Variants in ZFPM1 observed in about 807,000 individuals in gnomAD.
The protein encoded by ZFPM1 is zinc finger protein ZFPM1.
A neutral mutation model predicts 46.3 loss-of-function variants in ZFPM1; 28 were observed. The observed-to-expected ratio is 0.60, with a 90% confidence interval of 0.45 to 0.83. The LOEUF is 0.83. Among genes scored for constraint, ZFPM1 ranks in the 40% least tolerant of loss-of-function variants. The pLI is 0.00. For missense variants in ZFPM1, 1,878 were observed against 1,432.4 expected (o/e 1.31, Z -5.02); for synonymous variants, 957 against 675.9 (o/e 1.42, Z -6.45).
chr16:88,516,051 G>A (rs539040198), intron 4 of ZFPM1: 20 of 397,890 alleles, frequency 5.0e-5, no homozygotes, highest in Non-Finnish European at 6.6e-5. Context: ...CACACCACAC[G>A]CCCATCCTCA....
intron 4 of ZFPM1, among the ~76,000 whole-genome samples, chr16:88,518,086 C>T (rs1223015180): frequency 6.6e-6 from 1 of 151,948 alleles, no homozygotes; most frequent in Non-Finnish European, 1.5e-5. Flanking sequence ...GCGCCTGTAG[C>T]CCCAGCTACT....
rs1277135468 is a variant in ZFPM1, at chr16:88,501,720, G to A, written c.268+12567G>A. On this transcript the variant is annotated intron_variant, in intron 3 of 9. Coordinates refer to ENST00000319555, the MANE Select transcript of ZFPM1 (RefSeq NM_153813.3). ...CTCTCCCGCAGGTGCTCTTGATGATGGAGGTAACGGGTGTGGGTGCCGGGC... is the reference window on the plus strand; with the variant it reads ...CTCTCCCGCAGGTGCTCTTGATGATAGAGGTAACGGGTGTGGGTGCCGGGC... Among the ~76,000 whole-genome samples the A allele has an allele frequency of 1.4e-4, 20 of 144,278 alleles. 1 individual carries two copies. Among genetic ancestry groups the A allele is most frequent in the African/African-American group, 4.8e-4 (17 of 35,526 alleles). 94.7% of individuals were successfully genotyped at this position (144,278 alleles called of 152,430 possible).
At chr16:88,453,073 G>A (rs993117782), upstream of ZFPM1, among the ~76,000 whole-genome samples, 50 of 150,770 alleles carry the variant, frequency 3.3e-4, no homozygotes, top group Middle Eastern at 3.5e-3. Context: ...CGTAAAGAGC[G>A]AGGCGGGCGG....
Position 88,533,285 on chromosome 16 carries a change from G to A in ZFPM1, c.1327G>A (p.Ala443Thr). 7.2e-7 allele frequency: 1 copy of A among 1,390,998 alleles called. No individual in the cohort carries two copies. The highest frequency in any genetic ancestry group is 2.7e-5 in the African/African-American group (1 of 37,246). 86.2% of individuals were successfully genotyped at this position (1,390,998 alleles called of 1,614,324 possible). The change falls in exon 10 of 10, where the codon GCG (alanine) becomes ACG (threonine). Residue 443 changes from alanine to threonine, a missense_variant. Ala to Thr is a moderately conservative substitution (Grantham distance 58). Transcript: ENST00000319555. The stretch of plus-strand genomic sequence containing the variant: ...CGAGGCCACCAACGGAGAGGCCAGA[G>A]CGGAGCCTCTGGCCCAGAATGGAGG... ...LAEATNGEAR[A>T]EPLAQNGGSS... is the part of the protein sequence containing the mutation.
At position 88,486,157 on chromosome 16, in the gene ZFPM1, G is replaced by A. The variant is rs1356755703; in HGVS notation, c.145+114G>A. 2.7e-6 allele frequency: 3 copies of A among 1,119,896 alleles called. No individual in the cohort carries two copies. The East Asian group carries it at 7.8e-5, about 29-fold the overall frequency. The allele number at this position is 1,119,896 out of a possible 1,614,324, so 69.4% of individuals were successfully genotyped here. A position where few individuals can be genotyped will look rare whatever the true frequency, so the allele number is the denominator to read the frequency against. ...AGAGGTGTGGGCCAACTATATGCAG[G>A]AGTCCAGGACAGGCGTCTTCCAGCC... On this transcript the variant is annotated intron_variant, in intron 2 of 9. Transcript: ENST00000319555.
At chr16:88,488,383 A>T (rs1909358799) in intron 2 of ZFPM1, among the ~76,000 whole-genome samples, 1 of 152,236 alleles carries the variant, frequency 6.6e-6, no homozygotes, top group African/African-American at 2.4e-5. Flanking sequence ...TGGGCGCGAT[A>T]ACACAGCAGC....
At chr16:88,465,641 C>G (rs1211415979) in intron 1 of ZFPM1, among the ~76,000 whole-genome samples, 2 of 152,234 alleles carry the variant, frequency 1.3e-5, no homozygotes. Context: ...CATTGGCCAG[C>G]TGGGGAGGGG....
chr16:88,461,126 T>TCTGGTGAGGACCGAGGGGC (rs1907842334), intron 1 of ZFPM1, among the ~76,000 whole-genome samples: 1 of 52,080 alleles, frequency 1.9e-5, no homozygotes, highest in African/African-American at 1.4e-4. Flanking sequence ...GACCCAGGGA[T>TCTGGTGAGGACCGAGGGGC]GGGGCGGGAG....
At chr16:88,460,702 G>A (rs1225142140) in intron 1 of ZFPM1, among the ~76,000 whole-genome samples, 1 of 152,212 alleles carries the variant, frequency 6.6e-6, no homozygotes, top group African/African-American at 2.4e-5. Flanking sequence ...CCTCCTATCC[G>A]AGCTGTGTTG....
At position 88,533,621 on chromosome 16, in the gene ZFPM1, C is replaced by A. The variant is rs1325808524; in HGVS notation, c.1663C>A (p.Gln555Lys). 1 of 1,472,830 alleles carries A rather than the reference C, an allele frequency of 6.8e-7. No homozygotes were observed. Among genetic ancestry groups the A allele is most frequent in the Non-Finnish European group, 9.0e-7 (1 of 1,111,158 alleles). 91.2% of individuals were successfully genotyped at this position (1,472,830 alleles called of 1,614,324 possible). Residue 555 changes from glutamine (Q) to lysine (K), a missense_variant, in exon 10 of 10, where the codon CAG becomes AAG. By Grantham distance (53) the Gln-to-Lys change is moderately conservative (BLOSUM62 1). Coordinates refer to ENST00000319555, the MANE Select transcript of ZFPM1 (RefSeq NM_153813.3). ...KMSELVHSRL[Q>K]QGAGAGAGGA... ...GTCCGAGCTGGTGCACAGCCGGCTG[C>A]AGCAGGGCGCGGGCGCGGGCGCCGG...
intron 3 of ZFPM1, among the ~76,000 whole-genome samples, chr16:88,499,872 C>T (rs1368253098): frequency 2.0e-5 from 3 of 152,200 alleles, no homozygotes; most frequent in South Asian, 2.1e-4. Context: ...GTGGGCTCCC[C>T]GGCCCCTCCT....
intron 3 of ZFPM1, 34 bp from the exon 4 acceptor site, chr16:88,514,353 G>C: frequency 6.4e-7 from 1 of 1,555,812 alleles, no homozygotes; most frequent in Non-Finnish European, 8.7e-7. Context: ...GCCCCAGACC[G>C]GGCACGCCTC....
At chr16:88,530,221 C>T (rs367941931) in intron 6 of ZFPM1, among the ~76,000 whole-genome samples, 11 of 152,174 alleles carry the variant, frequency 7.2e-5, no homozygotes, top group East Asian at 1.9e-4. Flanking sequence ...ACAGTGGGGA[C>T]AGCAGGCTGG....
rs578250941 is a variant in ZFPM1, at chr16:88,459,712, C to T, written c.40+6034C>T. 1.9e-3 allele frequency among the ~76,000 whole-genome samples: 188 copies of T among 96,710 alleles called. 3 individuals are homozygous for T. Among genetic ancestry groups the T allele is most frequent in the Non-Finnish European group, 3.4e-3 (151 of 44,682 alleles). The allele number at this position is 96,710 out of a possible 152,430, so 63.4% of individuals were successfully genotyped here. On this transcript the variant is annotated intron_variant, in intron 1 of 9. Transcript: ENST00000319555. ...CCCCCTCCTCCCCTTCCCCCTTCCCCTCTTCCCCTTCCTCCTCCCCCTCTT... is the reference window on the plus strand; with the variant it reads ...CCCCCTCCTCCCCTTCCCCCTTCCCTTCTTCCCCTTCCTCCTCCCCCTCTT...
chr16:88,502,174 G>A (rs1041336002), intron 3 of ZFPM1, among the ~76,000 whole-genome samples: 4 of 151,606 alleles, frequency 2.6e-5, no homozygotes, highest in African/African-American at 7.3e-5. Context: ...TACAGCGGCC[G>A]TGGACGCAGC....
In ZFPM1 at chr16:88,533,936, G is replaced by C. The variant is rs768903272; in HGVS notation, c.1978G>C (p.Gly660Arg). The change falls in exon 10 of 10, where the codon GGC becomes CGC. Residue 660 changes from glycine to arginine, a missense_variant. Gly to Arg is a moderately radical substitution (Grantham distance 125). Transcript: ENST00000319555. ...GGCCACGCCCGAGGACGGCGCGGGCGGCCGGGGCAGCGAGGGCAGCCAGAG... is the reference window on the plus strand; with the variant it reads ...GGCCACGCCCGAGGACGGCGCGGGCCGCCGGGGCAGCGAGGGCAGCCAGAG... Reference protein sequence around the residue: ...GAATPEDGAGGRGSEGSQSPG... With the variant: ...GAATPEDGAGRRGSEGSQSPG... The C allele has an allele frequency of 7.9e-7, 1 of 1,260,552 alleles. No homozygotes were observed. Among genetic ancestry groups the C allele is most frequent in the South Asian group, 1.3e-5 (1 of 74,426 alleles). The allele number at this position is 1,260,552 out of a possible 1,614,324, so 78.1% of individuals were successfully genotyped here. A position where few individuals can be genotyped will look rare whatever the true frequency, so the allele number is the denominator to read the frequency against.
intron 3 of ZFPM1, among the ~76,000 whole-genome samples, chr16:88,510,347 G>T (rs1291063976): frequency 2.0e-5 from 3 of 152,218 alleles, no homozygotes; most frequent in African/African-American, 7.2e-5. Context: ...ACTCTGTGGG[G>T]TTGGCTCAGC....
At position 88,533,728 on chromosome 16, in the gene ZFPM1, C is replaced by A. The variant is rs1297185860; in HGVS notation, c.1770C>A (p.Asn590Lys). Residue 590 changes from asparagine (N) to lysine (K), a missense_variant, in exon 10 of 10, where the codon AAC becomes AAA. Transcript: ENST00000319555. ...FECEITFSNV[N>K]NYYVHKRLYC... The stretch of plus-strand genomic sequence containing the variant: ...GCGAGATCACCTTCAGCAACGTCAA[C>A]AACTACTACGTGCACAAGCGCCTCT... The A allele has an allele frequency of 1.3e-6, 2 of 1,500,502 alleles. No homozygotes were observed. The highest frequency in any genetic ancestry group is 9.0e-7 in the Non-Finnish European group (1 of 1,117,288). The allele number at this position is 1,500,502 out of a possible 1,614,324, so 92.9% of individuals were successfully genotyped here.
intron 9 of ZFPM1, 63 bp downstream of exon 9, chr16:88,532,998 G>C (rs964841931): frequency 7.5e-6 from 12 of 1,598,174 alleles, no homozygotes; most frequent in East Asian, 2.2e-5. Context: ...GAAGGGAGTG[G>C]GCTTGTCGCC....
Sources: gnomAD v4.1 joint callset for allele counts (sites outside exome capture counted in the v4.1 genomes callset) on GRCh38, gnomAD v4.1.1 for gene constraint, MANE v1.5 for transcripts, NCBI Gene and HGNC (gene_info 2026-07-23, HGNC 2026-07-21) for gene names.